The following PDSS2 variants were observed in gnomAD, a reference collection of about 807,000 sequenced individuals.
PDSS2 encodes the protein decaprenyl diphosphate synthase subunit 2.
In PDSS2, 31 loss-of-function variants were observed where a neutral mutation model predicts 44.5. The observed-to-expected ratio is 0.70, with a 90% confidence interval of 0.52 to 0.94. The LOEUF (loss-of-function observed/expected upper bound fraction) is 0.94. Ranked by LOEUF, PDSS2 falls within the 40% of genes least tolerant of loss-of-function variation. The pLI, the probability that PDSS2 is intolerant of heterozygous loss-of-function variation, is 0.00. For missense variants in PDSS2, 452 were observed against 482.2 expected (o/e 0.94, Z 0.59); for synonymous variants, 157 against 180.3 (o/e 0.87, Z 1.03).
At chr6:107,161,343 G>A (rs1296719616) in intron 7 of PDSS2, among the ~76,000 whole-genome samples, 1 of 152,016 alleles carries the variant, frequency 6.6e-6, no homozygotes, top group Non-Finnish European at 1.5e-5. Context: ...AGCCAGGCGT[G>A]GTGCCGGGCG....
At chr6:107,288,755 T>G (rs1054123338) in intron 2 of PDSS2, among the ~76,000 whole-genome samples, 3 of 94,180 alleles carry the variant, frequency 3.2e-5, no homozygotes, top group Non-Finnish European at 7.2e-5. Context: ...ACGAAATTGT[T>G]TTTTTTTTTT....
chr6:107,350,607 C>A (rs1383950690), intron 1 of PDSS2, among the ~76,000 whole-genome samples: 1 of 152,006 alleles, frequency 6.6e-6, no homozygotes, highest in Non-Finnish European at 1.5e-5. Flanking sequence ...TGGAGACTAG[C>A]CTGGGCAAAA....
intron 4 of PDSS2, among the ~76,000 whole-genome samples, chr6:107,243,384 C>T (rs1384995106): frequency 6.6e-6 from 1 of 151,992 alleles, no homozygotes; most frequent in African/African-American, 2.4e-5. Flanking sequence ...GTCAGGTTTC[C>T]CTGACATAAA....
intron 1 of PDSS2, among the ~76,000 whole-genome samples, chr6:107,350,618 T>G (rs779994795): frequency 6.6e-6 from 1 of 151,952 alleles, no homozygotes; most frequent in East Asian, 1.9e-4. Context: ...CTGGGCAAAA[T>G]AGTGAGATCT....
chr6:107,418,639 G>T (rs890354801), intron 1 of PDSS2, among the ~76,000 whole-genome samples: 14 of 152,106 alleles, frequency 9.2e-5, no homozygotes, highest in African/African-American at 3.4e-4. Context: ...GCCGGGTGTG[G>T]TGGCAGGCAC....
intron 1 of PDSS2, among the ~76,000 whole-genome samples, chr6:107,358,130 TA>T (rs565389825): frequency 7.9e-5 from 12 of 152,204 alleles, no homozygotes; most frequent in Non-Finnish European, 1.5e-4. Context: ...CAAAATGCAG[TA>T]AAAAATTTGT....
At chr6:107,389,625 T>C (rs1294292727) in intron 1 of PDSS2, among the ~76,000 whole-genome samples, 1 of 152,160 alleles carries the variant, frequency 6.6e-6, no homozygotes, top group Non-Finnish European at 1.5e-5. Context: ...GGAGACAGAA[T>C]TATCAATATG....
intron 1 of PDSS2, among the ~76,000 whole-genome samples, chr6:107,365,075 T>G (rs1778921621): frequency 6.6e-6 from 1 of 151,746 alleles, no homozygotes; most frequent in African/African-American, 2.4e-5. Flanking sequence ...AAACAAAGAG[T>G]GTAAAAAATA....
chr6:107,384,890 G>A (rs1779566268), intron 1 of PDSS2, among the ~76,000 whole-genome samples: 1 of 152,050 alleles, frequency 6.6e-6, no homozygotes, highest in East Asian at 1.9e-4. Context: ...ATTTATATAG[G>A]TCTGAAAGTT....
intron 1 of PDSS2, among the ~76,000 whole-genome samples, chr6:107,360,840 A>C (rs2500566): frequency 0.38 from 57,402 of 152,142 alleles, 13,313 homozygotes; most frequent in Middle Eastern, 0.64. Flanking sequence ...AGAAATTTGG[A>C]CATAATTTGC....
At chr6:107,165,186 A>G (rs1334112533) in intron 7 of PDSS2, among the ~76,000 whole-genome samples, 4 of 151,968 alleles carry the variant, frequency 2.6e-5, no homozygotes, top group Non-Finnish European at 4.4e-5. Flanking sequence ...CCATTTGTCA[A>G]TTTTGGCTTT....
intron 3 of PDSS2, among the ~76,000 whole-genome samples, chr6:107,267,260 A>AT (rs1210821325): frequency 6.6e-6 from 1 of 152,240 alleles, no homozygotes; most frequent in Non-Finnish European, 1.5e-5. Context: ...GGTCTAATCC[A>AT]TGAACGGCCA....
At chr6:107,358,560 G>A (rs1778660899) in intron 1 of PDSS2, among the ~76,000 whole-genome samples, 1 of 152,048 alleles carries the variant, frequency 6.6e-6, no homozygotes. Context: ...GAATAAAGAT[G>A]GTACAACATT....
intron 4 of PDSS2, among the ~76,000 whole-genome samples, chr6:107,244,072 G>A (rs1353495997): frequency 6.6e-6 from 1 of 152,192 alleles, no homozygotes; most frequent in Non-Finnish European, 1.5e-5. Context: ...AGGTTGTGGT[G>A]AGCCGAGATC....
intron 4 of PDSS2, among the ~76,000 whole-genome samples, chr6:107,223,343 A>G (rs1309463220): frequency 6.6e-6 from 1 of 150,980 alleles, no homozygotes; most frequent in East Asian, 2.0e-4. Context: ...CAGCCTGGGC[A>G]ACATGGTGAA....
At chr6:107,370,204 G>A (rs1779088909) in intron 1 of PDSS2, among the ~76,000 whole-genome samples, 1 of 152,048 alleles carries the variant, frequency 6.6e-6, no homozygotes, top group African/African-American at 2.4e-5. Flanking sequence ...CAAGAGTTTT[G>A]GCAGGTTTGC....
chr6:107,196,880 T>C (rs1170679995), intron 6 of PDSS2, among the ~76,000 whole-genome samples: 1 of 151,194 alleles, frequency 6.6e-6, no homozygotes, highest in African/African-American at 2.4e-5. Flanking sequence ...GAAGCTTCCA[T>C]AAAAACCCAA....
chr6:107,419,448 G>T (rs183420402), intron 1 of PDSS2, among the ~76,000 whole-genome samples: 2 of 152,210 alleles, frequency 1.3e-5, no homozygotes, highest in East Asian at 3.9e-4. Context: ...TCCTTATTAG[G>T]ATCTACATTC....
intron 1 of PDSS2, among the ~76,000 whole-genome samples, chr6:107,342,343 A>C (rs1778106808): frequency 1.3e-5 from 2 of 152,156 alleles, no homozygotes; most frequent in African/African-American, 4.8e-5. Context: ...CCAACCATTC[A>C]GCTCTGACTG....
Sources: gnomAD v4.1 joint callset for allele counts (sites outside exome capture counted in the v4.1 genomes callset) on GRCh38, gnomAD v4.1.1 for gene constraint, MANE v1.5 for transcripts, NCBI Gene and HGNC (gene_info 2026-07-23, HGNC 2026-07-21) for gene names.